Variants in CA4 observed in about 807,000 individuals in gnomAD.
CA4 encodes the protein carbonic anhydrase 4, also known as CA-IV.
In CA4, 24 loss-of-function variants were observed where a neutral mutation model predicts 34.5. The observed-to-expected ratio is 0.70, with a 90% CI of 0.50 to 0.98. CA4 has a LOEUF of 0.98. Ranked by LOEUF, CA4 falls within the 50% of genes least tolerant of loss-of-function variation. The pLI, the probability that CA4 is intolerant of heterozygous loss-of-function variation, is 0.00. For synonymous variants in CA4, 178 were observed against 170.6 expected, an observed-to-expected ratio of 1.04 and a Z score of -0.34; for missense variants, 394 against 396.7, an observed-to-expected ratio of 0.99 and a Z score of 0.06.
intron 7 of CA4, chr17:60,158,736 C>CAA: frequency 3.9e-6 from 2 of 511,050 alleles, no homozygotes; most frequent in Non-Finnish European, 3.6e-6. Context: ...CCAAAGGACC[C>CAA]AAATCCCTAC....
In CA4 at chr17:60,156,604, C is replaced by A; in HGVS notation, c.157C>A (p.Pro53Thr). The A allele has an allele frequency of 6.2e-7, 1 of 1,614,136 alleles. No individual in the cohort carries two copies. Among genetic ancestry groups the A allele is most frequent in the Non-Finnish European group, 8.5e-7 (1 of 1,179,960 alleles). Residue 53 changes from proline to threonine, a missense_variant, in exon 3 of 8, where the codon CCC becomes ACC. By Grantham distance (38) the Pro-to-Thr change is conservative. Coordinates refer to ENST00000300900, the MANE Select transcript of CA4 (RefSeq NM_000717.5). ...AAACTGCCAGAAGGACCGCCAGTCC[C>A]CCATCAACATCGTCACCACCAAGGC... ...GGNCQKDRQS[P>T]INIVTTKAKV... is the part of the protein sequence containing the mutation.
intron 1 of CA4, 73 bp downstream of exon 1, chr17:60,150,165 A>G (rs1317989609): frequency 1.6e-6 from 2 of 1,279,884 alleles, no homozygotes; most frequent in African/African-American, 3.0e-5. Context: ...GCCCCTGCAG[A>G]GGATCCCCCC....
the CA4 span, among the ~76,000 whole-genome samples, chr17:60,175,950 G>A: frequency 6.6e-6 from 1 of 151,480 alleles, no homozygotes; most frequent in Admixed American, 6.6e-5. Flanking sequence ...CCAAGTAGCT[G>A]GGATTACAGG....
intron 2 of CA4, 87 bp from the exon 3 acceptor site, chr17:60,156,473 T>G: frequency 7.6e-7 from 1 of 1,322,418 alleles, no homozygotes. Context: ...GGGAACTGAG[T>G]GGGTGGGCCT....
At chr17:60,177,359 CTATT>C in the CA4 span, among the ~76,000 whole-genome samples, 766 of 152,308 alleles carry the variant, frequency 5.0e-3, 2 homozygotes, top group Non-Finnish European at 8.5e-3. Flanking sequence ...TATTTACACT[CTATT>C]TATGTACATT....
downstream of CA4, among the ~76,000 whole-genome samples, chr17:60,159,909 G>T (rs1461764011): frequency 6.6e-6 from 1 of 152,210 alleles, no homozygotes; most frequent in Non-Finnish European, 1.5e-5. Context: ...CGAGGCAGAG[G>T]CACGTGAATC....
chr17:60,164,059 T>A (rs1404414850), downstream of CA4, among the ~76,000 whole-genome samples: 3 of 150,074 alleles, frequency 2.0e-5, no homozygotes, highest in African/African-American at 7.4e-5. Context: ...AGCCCAGGAG[T>A]GCAGGCACCA....
chr17:60,161,113 G>A (rs2083783588), downstream of CA4, among the ~76,000 whole-genome samples: 2 of 152,038 alleles, frequency 1.3e-5, no homozygotes, highest in African/African-American at 2.4e-5. Context: ...AAGGGTGTGG[G>A]GCTTGGTCCC....
chr17:60,150,111 GC>G lies in CA4; in HGVS notation c.58+23del. ...AGTGCAGGTGAGCTCCCGGGCTCCGGCCCCAGGTGCCCCTCGGCGGTCCCCT... is the reference window on the plus strand; with the variant it reads ...AGTGCAGGTGAGCTCCCGGGCTCCGGCCCAGGTGCCCCTCGGCGGTCCCCT... On this transcript the variant is annotated intron_variant, in intron 1 of 7. Transcript: ENST00000300900. 6.3e-7 allele frequency: 1 copy of G among 1,587,210 alleles called. No individual in the cohort carries two copies.
chr17:60,157,925 T>A (rs923126183), intron 5 of CA4, 136 bp from the exon 6 acceptor site: 8 of 1,547,066 alleles, frequency 5.2e-6, no homozygotes, highest in Non-Finnish European at 6.1e-6. Context: ...GGGTTGCATG[T>A]CCCCGGGCCA....
intron 1 of CA4, among the ~76,000 whole-genome samples, chr17:60,153,585 A>G (rs345188): frequency 0.015 from 2,252 of 152,314 alleles, 43 homozygotes; most frequent in African/African-American, 0.047. Flanking sequence ...CTTGTGCAAG[A>G]TCCAAGAACC....
chr17:60,169,626 C>T (rs1199010406), intron 5 of CA4, among the ~76,000 whole-genome samples: 1 of 152,072 alleles, frequency 6.6e-6, no homozygotes, highest in Non-Finnish European at 1.5e-5. Flanking sequence ...GTATCTGGGA[C>T]TACGGGCATG....
chr17:60,161,783 G>A (rs556477271), downstream of CA4, among the ~76,000 whole-genome samples: 202 of 152,210 alleles, frequency 1.3e-3, no homozygotes, highest in African/African-American at 4.7e-3. Context: ...CATGGCAACC[G>A]CAGGCCGCCT....
At chr17:60,162,161 G>A (rs972866147), downstream of CA4, among the ~76,000 whole-genome samples, 9 of 152,066 alleles carry the variant, frequency 5.9e-5, no homozygotes, top group Non-Finnish European at 1.2e-4. Context: ...CGGCCCAGAG[G>A]CCACAGCAGG....
downstream of CA4, among the ~76,000 whole-genome samples, chr17:60,160,514 A>G (rs1202736302): frequency 6.6e-6 from 1 of 151,954 alleles, no homozygotes; most frequent in Non-Finnish European, 1.5e-5. Flanking sequence ...CTGTAATTCC[A>G]GCACTTTGGG....
chr17:60,159,576 C>A, downstream of CA4: 1 of 864,242 alleles, frequency 1.2e-6, no homozygotes, highest in Non-Finnish European at 1.8e-6. Context: ...TAGCCTTCCA[C>A]AACTACCCCA....
intron 1 of CA4, among the ~76,000 whole-genome samples, 185 bp downstream of exon 1, chr17:60,150,277 T>G (rs2083566345): frequency 6.6e-6 from 1 of 152,140 alleles, no homozygotes; most frequent in Admixed American, 6.5e-5. Context: ...AGCTTGTGTG[T>G]GCACACGCGT....
intron 5 of CA4, 48 bp downstream of exon 5, chr17:60,157,836 T>G (rs752763295): frequency 1.7e-5 from 26 of 1,564,300 alleles, no homozygotes; most frequent in Middle Eastern, 3.3e-4. Flanking sequence ...GCTGAGAGCT[T>G]CTTCTTAGGA....
intron 1 of CA4, 140 bp downstream of exon 1, chr17:60,150,232 G>A: frequency 1.5e-6 from 1 of 681,270 alleles, no homozygotes; most frequent in Non-Finnish European, 2.4e-6. Context: ...GTGCGCCGGG[G>A]GCCGCGAGGG....
Sources: gnomAD v4.1 joint callset for allele counts (sites outside exome capture counted in the v4.1 genomes callset) on GRCh38, gnomAD v4.1.1 for gene constraint, MANE v1.5 for transcripts, NCBI Gene and HGNC (gene_info 2026-07-23, HGNC 2026-07-21) for gene names.